PTPRD: variants seen among roughly 807,000 people sequenced by gnomAD.
PTPRD encodes the protein receptor-type tyrosine-protein phosphatase delta.
PTPRD carries 34 observed loss-of-function variants against 214.5 expected under a neutral mutation model. The ratio of observed to expected loss-of-function variants is 0.16; its 90% CI spans 0.12 to 0.21. The LOEUF (loss-of-function observed/expected upper bound fraction) is 0.21, where lower values mean the gene tolerates loss of function less well. Ranked by LOEUF, PTPRD falls within the 10% of genes least tolerant of loss-of-function variation. PTPRD has a pLI of 1.00. For missense variants in PTPRD, 2,545 were observed against 2,398.7 expected (o/e 1.06, Z -1.27); for synonymous variants, 1,128 against 845.7 (o/e 1.33, Z -5.79).
chr9:8,999,870 G>T (rs547772694), intron 11 of PTPRD, among the ~76,000 whole-genome samples: 4 of 152,106 alleles, frequency 2.6e-5, no homozygotes, highest in South Asian at 2.1e-4. Flanking sequence ...GGGGGATGGG[G>T]TGTTGACAGA....
At chr9:8,868,254 G>C (rs1821334) in intron 11 of PTPRD, among the ~76,000 whole-genome samples, 109,528 of 152,136 alleles carry the variant, frequency 0.72, 40,777 homozygotes, top group East Asian at 0.88. Flanking sequence ...GGCTGGAGTA[G>C]AGTGGCACGA....
chr9:9,564,739 G>A lies in PTPRD; in HGVS notation c.-237+9993C>T, dbSNP rs529511272. On this transcript the variant is annotated intron_variant, in intron 8 of 45. Coordinates refer to ENST00000381196, the MANE Select transcript of PTPRD (RefSeq NM_002839.4). Reference sequence around the variant, plus strand: ...ACTCAAGAAAACCCATCTCTGAATTGTTTTTCCTAACTCTAGTTCAGTGAC... The same window carrying A: ...ACTCAAGAAAACCCATCTCTGAATTATTTTTCCTAACTCTAGTTCAGTGAC... Among the ~76,000 whole-genome samples the A allele has an allele frequency of 2.9e-3, 439 of 151,924 alleles. 1 individual carries two copies. Among genetic ancestry groups the A allele is most frequent in the African/African-American group, 9.9e-3 (410 of 41,482 alleles).
At chr9:8,911,449 G>A (rs1244980336) in intron 11 of PTPRD, among the ~76,000 whole-genome samples, 1 of 151,612 alleles carries the variant, frequency 6.6e-6, no homozygotes, top group Non-Finnish European at 1.5e-5. Flanking sequence ...GTGAGAGAGA[G>A]AGAGAGACAA....
At chr9:8,563,465 T>C (rs1489408921) in intron 14 of PTPRD, among the ~76,000 whole-genome samples, 1 of 145,310 alleles carries the variant, frequency 6.9e-6, no homozygotes, top group Non-Finnish European at 1.5e-5. Context: ...TGAGACAGAG[T>C]CTTGCACTGT....
At chr9:10,345,191 T>C (rs1269659657) in intron 2 of PTPRD, among the ~76,000 whole-genome samples, 1 of 152,158 alleles carries the variant, frequency 6.6e-6, no homozygotes, top group Non-Finnish European at 1.5e-5. Context: ...TAATCAAAAT[T>C]ATAAATTTTA....
intron 2 of PTPRD, among the ~76,000 whole-genome samples, chr9:10,580,451 C>A: frequency 6.6e-6 from 1 of 152,100 alleles, no homozygotes; most frequent in Non-Finnish European, 1.5e-5. Flanking sequence ...TGATTTAAAA[C>A]ACTTTTTGGT....
intron 9 of PTPRD, among the ~76,000 whole-genome samples, chr9:9,206,638 G>A (rs995911130): frequency 1.3e-5 from 2 of 152,140 alleles, no homozygotes; most frequent in Non-Finnish European, 2.9e-5. Flanking sequence ...AAAAGAAGTT[G>A]GAAAGAGCAG....
At chr9:8,440,004 G>C (rs919572142) in intron 34 of PTPRD, among the ~76,000 whole-genome samples, 1 of 133,782 alleles carries the variant, frequency 7.5e-6, no homozygotes, top group Non-Finnish European at 1.5e-5. Context: ...CAGGTCTGTG[G>C]ATGTGGGAGC....
intron 10 of PTPRD, among the ~76,000 whole-genome samples, chr9:9,034,238 G>C (rs1251334251): frequency 6.6e-6 from 1 of 152,126 alleles, no homozygotes; most frequent in African/African-American, 2.4e-5. Context: ...GGAACCTCTA[G>C]AGCTCTGTTA....
chr9:8,617,333 A>G (rs1476673774), intron 14 of PTPRD, among the ~76,000 whole-genome samples: 5 of 152,088 alleles, frequency 3.3e-5, no homozygotes, highest in African/African-American at 1.2e-4. Context: ...TTATGATCTG[A>G]GAGGCAGCTG....
rs1399896459 is a variant in PTPRD, at chr9:8,870,042, G to T, written c.-103-136096C>A. Among the ~76,000 whole-genome samples the T allele has an allele frequency of 2.0e-5, 3 of 151,744 alleles. No homozygotes were observed. The East Asian group carries it at 5.8e-4, about 29-fold the overall frequency. On this transcript the variant is annotated intron_variant, in intron 11 of 45. Coordinates refer to ENST00000381196, the MANE Select transcript of PTPRD (RefSeq NM_002839.4). ...ATTTCAGGGGCTTTAGCATTTAGTT[G>T]GGAACCACTAGTTCTAGCTGTCATA...
chr9:8,693,176 G>A (rs1395908596), intron 12 of PTPRD, among the ~76,000 whole-genome samples: 1 of 152,154 alleles, frequency 6.6e-6, no homozygotes, highest in African/African-American at 2.4e-5. Flanking sequence ...TTTTTCCACT[G>A]TCTCTCAGTC....
chr9:9,263,397 C>T (rs944248235), intron 9 of PTPRD, among the ~76,000 whole-genome samples: 1 of 151,644 alleles, frequency 6.6e-6, no homozygotes, highest in Non-Finnish European at 1.5e-5. Flanking sequence ...AACTGAATGA[C>T]TATAAATGAA....
chr9:9,578,673 A>G (rs1295358726), intron 7 of PTPRD, among the ~76,000 whole-genome samples: 1 of 152,126 alleles, frequency 6.6e-6, no homozygotes, highest in Admixed American at 6.6e-5. Context: ...TCTACATTGT[A>G]TCTCATGTAT....
At chr9:9,342,153 A>G (rs185200528) in intron 9 of PTPRD, among the ~76,000 whole-genome samples, 1 of 152,288 alleles carries the variant, frequency 6.6e-6, no homozygotes, top group African/African-American at 2.4e-5. Flanking sequence ...AAATGACAGG[A>G]ATATTGGACA....
At chr9:10,597,320 A>G (rs2076853731) in intron 2 of PTPRD, among the ~76,000 whole-genome samples, 1 of 151,706 alleles carries the variant, frequency 6.6e-6, no homozygotes, top group Non-Finnish European at 1.5e-5. Context: ...TCAATATTTT[A>G]TTTGATTTTA....
In PTPRD at chr9:8,921,993, A is replaced by G. The variant is rs2098831314; in HGVS notation, c.-104+96704T>C. On this transcript the variant is annotated intron_variant, in intron 11 of 45. Coordinates refer to ENST00000381196, the MANE Select transcript of PTPRD (RefSeq NM_002839.4). The stretch of plus-strand genomic sequence containing the variant: ...GTTGGCAAGGAACAAAGACAGATAG[A>G]ATCCCAGTCTCTCTTCACAAAGGAG... 2.0e-5 allele frequency among the ~76,000 whole-genome samples: 3 copies of G among 152,194 alleles called. 1 individual carries two copies. The South Asian group carries it at 6.2e-4, about 32-fold the overall frequency.
chr9:9,497,219 T>C (rs529514915), intron 8 of PTPRD, among the ~76,000 whole-genome samples: 1 of 152,316 alleles, frequency 6.6e-6, no homozygotes, highest in African/African-American at 2.4e-5. Context: ...CACTGAGCTG[T>C]ACACTTAAAA....
At chr9:9,507,054 A>G (rs981660224) in intron 8 of PTPRD, among the ~76,000 whole-genome samples, 1 of 151,466 alleles carries the variant, frequency 6.6e-6, no homozygotes, top group African/African-American at 2.4e-5. Flanking sequence ...ATATGAAACA[A>G]CAGTAAATGG....
Sources: gnomAD v4.1 joint callset for allele counts (sites outside exome capture counted in the v4.1 genomes callset) on GRCh38, gnomAD v4.1.1 for gene constraint, MANE v1.5 for transcripts, NCBI Gene and HGNC (gene_info 2026-07-23, HGNC 2026-07-21) for gene names.